Variants in ATP13A4 observed in about 807,000 individuals in gnomAD.
ATP13A4 encodes ATPase 13A4.
ATP13A4 carries 114 observed loss-of-function variants against 142.5 expected under a neutral mutation model. The observed-to-expected ratio is 0.80, with a 90% confidence interval of 0.69 to 0.93. ATP13A4 has a LOEUF of 0.93. Among genes scored for constraint, ATP13A4 ranks in the 40% least tolerant of loss-of-function variants. The pLI is 0.00. For missense variants in ATP13A4, 1,392 were observed against 1,454.0 expected (o/e 0.96, Z 0.69); for synonymous variants, 488 against 514.8 (o/e 0.95, Z 0.70).
chr3:193,438,288 C>T (rs922573644), intron 23 of ATP13A4, among the ~76,000 whole-genome samples, 187 bp downstream of exon 23: 1 of 152,172 alleles, frequency 6.6e-6, no homozygotes, highest in African/African-American at 2.4e-5. Flanking sequence ...AATGCCACTG[C>T]TCTCCCAATG....
chr3:193,483,890 C>T (rs774917732), intron 8 of ATP13A4, 46 bp downstream of exon 8: 3 of 1,374,496 alleles, frequency 2.2e-6, no homozygotes, highest in South Asian at 2.3e-5. Context: ...AAATTCTTTT[C>T]TGATTCCATG....
Position 193,554,817 on chromosome 3 carries a change from C to T in ATP13A4, c.-18G>A. 1 of 1,613,958 alleles carries T rather than the reference C, an allele frequency of 6.2e-7. No homozygotes were observed. The highest frequency in any genetic ancestry group is 1.7e-5 in the Admixed American group (1 of 60,014). On this transcript the variant is annotated 5_prime_UTR_variant, in exon 1 of 30. In the 5' UTR this introduces an upstream ATG that the reference lacks. Coordinates refer to ENST00000342695, the MANE Select transcript of ATP13A4 (RefSeq NM_032279.4). ...TGTCCCATGAAAAAGTTATTCCACA[C>T]CTCCTCCCTGACCTTGTCGTGCAGA... is the stretch of plus-strand genomic sequence containing the variant.
At chr3:193,486,624 A>C (rs747485100) in intron 7 of ATP13A4, among the ~76,000 whole-genome samples, 1 of 152,204 alleles carries the variant, frequency 6.6e-6, no homozygotes, top group African/African-American at 2.4e-5. Flanking sequence ...GTTTTATGTC[A>C]AAAGTGTTGA....
intron 8 of ATP13A4, among the ~76,000 whole-genome samples, chr3:193,471,644 T>C (rs1718629722): frequency 6.6e-6 from 1 of 150,910 alleles, no homozygotes; most frequent in South Asian, 2.1e-4. Context: ...AGCAAATAAC[T>C]GTATAGCAAA....
chr3:193,472,229 T>C (rs1718669149), intron 8 of ATP13A4, among the ~76,000 whole-genome samples: 2 of 152,208 alleles, frequency 1.3e-5, no homozygotes, highest in Admixed American at 6.5e-5. Context: ...AAATAAACAA[T>C]GTATAAGTTT....
chr3:193,408,567 A>G (rs565508714), intron 28 of ATP13A4, among the ~76,000 whole-genome samples: 8 of 152,322 alleles, frequency 5.3e-5, no homozygotes, highest in Non-Finnish European at 1.2e-4. Flanking sequence ...TGCTGGGAGG[A>G]TAAATGGTGG....
At chr3:193,410,729 A>C (rs1241598439) in intron 28 of ATP13A4, among the ~76,000 whole-genome samples, 1 of 152,226 alleles carries the variant, frequency 6.6e-6, no homozygotes, top group Non-Finnish European at 1.5e-5. Context: ...TTAAATAATA[A>C]GAAGAAAACA....
rs542517929 is a variant in ATP13A4 at position 193,510,043 on chromosome 3, T to C, written c.234+4655A>G. Among the ~76,000 whole-genome samples the C allele has an allele frequency of 2.6e-5, 4 of 152,242 alleles. No homozygotes were observed. The South Asian group carries it at 8.3e-4, about 32-fold the overall frequency. On this transcript the variant is annotated intron_variant, in intron 2 of 29. Transcript: ENST00000342695. ...GAAGGAATTATCAGAAGAAACTTTA[T>C]GGGTAAAAGCAGGCACAAAACAGTG...
intron 24 of ATP13A4, among the ~76,000 whole-genome samples, chr3:193,434,677 A>T (rs1716163583): frequency 6.6e-6 from 1 of 152,198 alleles, no homozygotes; most frequent in Non-Finnish European, 1.5e-5. Flanking sequence ...TATAAAGATG[A>T]ATCTGGATAT....
intron 2 of ATP13A4, among the ~76,000 whole-genome samples, chr3:193,563,101 A>C (rs888008439): frequency 5.2e-4 from 79 of 152,270 alleles, no homozygotes; most frequent in African/African-American, 1.8e-3. Context: ...TTTTTTAGGG[A>C]AAAAATAGTG....
At chr3:193,527,943 A>G (rs1417678265) in intron 1 of ATP13A4, among the ~76,000 whole-genome samples, 1 of 152,060 alleles carries the variant, frequency 6.6e-6, no homozygotes, top group African/African-American at 2.4e-5. Context: ...AGCAATAGGA[A>G]CCTTCTGAAC....
At chr3:193,470,817 G>T (rs972880424) in intron 9 of ATP13A4, 42 bp downstream of exon 9, 3 of 1,613,210 alleles carry the variant, frequency 1.9e-6, no homozygotes, top group Non-Finnish European at 1.7e-6. Context: ...TGGAGTGTGG[G>T]CCAGCCCACA....
chr3:193,420,806 A>T (rs1715367311), intron 25 of ATP13A4, among the ~76,000 whole-genome samples: 1 of 149,356 alleles, frequency 6.7e-6, no homozygotes, highest in Non-Finnish European at 1.5e-5. Context: ...AGACTAGAGC[A>T]AGCAGAAGAA....
At chr3:193,520,240 C>T (rs997620614) in intron 1 of ATP13A4, among the ~76,000 whole-genome samples, 3 of 152,078 alleles carry the variant, frequency 2.0e-5, no homozygotes, top group Admixed American at 6.6e-5. Flanking sequence ...TTAATAAACC[C>T]GTACTCTCCT....
At chr3:193,458,847 A>G in intron 14 of ATP13A4, 1 of 626,810 alleles carries the variant, frequency 1.6e-6, no homozygotes, top group Non-Finnish European at 2.8e-6. Flanking sequence ...CATAGTGCCA[A>G]GGATTTTCTT....
Position 193,456,186 on chromosome 3 carries a change from AG to A in ATP13A4, c.1915+813del, listed in dbSNP as rs111654300. 4.6e-5 allele frequency among the ~76,000 whole-genome samples: 7 copies of A among 152,272 alleles called. No individual in the cohort carries two copies. In the East Asian group the frequency reaches 5.8e-4, roughly 13 times the overall value. ...TGAACTTAAAATATAGGTTAAAAAA[AG>A]GAGTGAAATTGAAAAAAACTCACAA... On this transcript the variant is annotated intron_variant, in intron 16 of 29. Transcript: ENST00000342695.
intron 13 of ATP13A4, 34 bp from the exon 14 acceptor site, chr3:193,459,265 T>C (rs776130704): frequency 1.2e-6 from 2 of 1,613,516 alleles, no homozygotes; most frequent in Admixed American, 1.7e-5. Context: ...TTCCATTCCA[T>C]CGCCTCATGC....
chr3:193,407,448 A>G (rs1714555235), intron 28 of ATP13A4, 55 bp from the exon 29 acceptor site: 3 of 1,364,552 alleles, frequency 2.2e-6, no homozygotes, highest in African/African-American at 2.9e-5. Context: ...TGCTGGAAAC[A>G]TGCTCACATG....
intron 1 of ATP13A4, among the ~76,000 whole-genome samples, chr3:193,582,548 T>TAC: frequency 8.8e-6 from 1 of 113,958 alleles, no homozygotes; most frequent in Non-Finnish European, 1.6e-5. Flanking sequence ...TTACATATAT[T>TAC]ATATGTATTA....
Sources: allele counts gnomAD v4.1 joint callset (sites outside exome capture counted in the v4.1 genomes callset), GRCh38; gene constraint gnomAD v4.1.1; transcripts MANE v1.5; gene names NCBI Gene and HGNC (gene_info 2026-07-23, HGNC 2026-07-21).